CNTRL: variants seen among roughly 807,000 people sequenced by gnomAD.
CNTRL encodes centriolin, also known as 110 kDa centrosomal protein.
CNTRL carries 233 observed loss-of-function variants against 303.7 expected under a neutral mutation model. The observed-to-expected ratio is 0.77, with a 90% CI of 0.69 to 0.86. The LOEUF (loss-of-function observed/expected upper bound fraction) is 0.86, where lower values mean the gene tolerates loss of function less well. Among genes scored for constraint, CNTRL ranks in the 40% least tolerant of loss-of-function variants. The pLI, the probability that CNTRL is intolerant of heterozygous loss-of-function variation, is 0.00. For missense variants in CNTRL, 2,524 were observed against 2,650.6 expected, an observed-to-expected ratio of 0.95 and a Z score of 1.05; for synonymous variants, 900 against 922.2, an observed-to-expected ratio of 0.98 and a Z score of 0.44.
intron 7 of CNTRL, among the ~76,000 whole-genome samples, chr9:121,102,370 A>G (rs902152669): frequency 6.6e-6 from 1 of 152,176 alleles, no homozygotes; most frequent in African/African-American, 2.4e-5. Context: ...TAAAAACTCA[A>G]TAAATTAGGT....
At chr9:121,150,076 A>C in intron 24 of CNTRL, 94 bp from the exon 25 acceptor site, 1 of 964,824 alleles carries the variant, frequency 1.0e-6, no homozygotes, top group Non-Finnish European at 1.5e-6. Flanking sequence ...CTTGGCTTAA[A>C]TGCTGCTGTT....
In CNTRL at chr9:121,145,255, G is replaced by A. The variant is rs1220542262; in HGVS notation, c.3180G>A (p.Glu1060=). 1 of 1,603,734 alleles carries A rather than the reference G, an allele frequency of 6.2e-7. No individual in the cohort carries two copies. The change falls in exon 22 of 44, where the codon GAG becomes GAA. Residue 1060 remains glutamate, a synonymous_variant. Coordinates refer to ENST00000373855, the MANE Select transcript of CNTRL (RefSeq NM_007018.6). Reference sequence around the variant, plus strand: ...ATTTTTTTAAATAGTTTCGACTTGAGATGGAGAAAACAGGTGTAGGTACTG... The same window carrying A: ...ATTTTTTTAAATAGTTTCGACTTGAAATGGAGAAAACAGGTGTAGGTACTG... The part of the protein sequence containing the change: ...LRQKGEQFRL[E]MEKTGVGTGA...
intron 26 of CNTRL, 150 bp downstream of exon 26, chr9:121,152,843 T>C (rs773285132): frequency 2.0e-5 from 13 of 641,052 alleles, no homozygotes; most frequent in Non-Finnish European, 3.3e-5. Flanking sequence ...ACTTGAAATG[T>C]GGCTGATGGA....
intron 21 of CNTRL, 63 bp from the exon 22 acceptor site, chr9:121,145,181 A>G: frequency 1.3e-6 from 2 of 1,520,788 alleles, no homozygotes; most frequent in East Asian, 4.5e-5. Context: ...AGTTGAAAGG[A>G]TAAATGTGTT....
Position 121,115,175 on chromosome 9 carries a change from T to C in CNTRL, c.1430T>C (p.Leu477Pro), listed in dbSNP as rs1209916675. ...AGAGCTACTGAAGAATTTAAACAAC[T>C]GGAAGAAGCTATACAACTAAAAAAG... Reference protein sequence around the residue: ...ILRATEEFKQLEEAIQLKKIS... With the variant: ...ILRATEEFKQPEEAIQLKKIS... The change falls in exon 11 of 44, where the codon CTG becomes CCG. Residue 477 changes from leucine to proline, a missense_variant. Physicochemically the swap from Leu to Pro is moderately conservative, Grantham distance 98. Transcript: ENST00000373855. The C allele has an allele frequency of 1.9e-6, 3 of 1,599,454 alleles. No homozygotes were observed. The highest frequency in any genetic ancestry group is 4.5e-5 in the East Asian group (2 of 44,502).
At chr9:121,142,384 T>A in intron 19 of CNTRL, 114 bp downstream of exon 19, 1 of 891,266 alleles carries the variant, frequency 1.1e-6, no homozygotes, top group Non-Finnish European at 1.6e-6. Context: ...GCTGCATTGC[T>A]GGCACAGTGC....
chr9:121,098,383 C>T lies in CNTRL; in HGVS notation c.622-3C>T, dbSNP rs751968056. On this transcript the variant is annotated splice_polypyrimidine_tract_variant and splice_region_variant and intron_variant, in intron 6 of 43. Coordinates refer to ENST00000373855, the MANE Select transcript of CNTRL (RefSeq NM_007018.6). The stretch of plus-strand genomic sequence containing the variant: ...TACCAATACTAATGTTATATCATTT[C>T]AGCTCCAAGATATAAGCAAGTTGAA... 1.9e-6 allele frequency: 3 copies of T among 1,581,654 alleles called. No homozygotes were observed. Among genetic ancestry groups the T allele is most frequent in the South Asian group, 1.1e-5 (1 of 88,942 alleles).
chr9:121,174,837 A>C (rs2053455041), intron 42 of CNTRL, among the ~76,000 whole-genome samples, 181 bp from the exon 43 acceptor site: 1 of 152,128 alleles, frequency 6.6e-6, no homozygotes, highest in Admixed American at 6.5e-5. Context: ...CAGAAAAGTA[A>C]AGGTTTATGC....
intron 14 of CNTRL, among the ~76,000 whole-genome samples, chr9:121,134,590 C>T (rs531436317): frequency 1.3e-5 from 2 of 152,150 alleles, no homozygotes; most frequent in South Asian, 2.1e-4. Flanking sequence ...CCACTGTACC[C>T]GGCCCTAAGG....
intron 37 of CNTRL, 27 bp from the exon 38 acceptor site, chr9:121,168,069 G>T: frequency 6.3e-7 from 1 of 1,577,148 alleles, no homozygotes; most frequent in South Asian, 1.1e-5. Flanking sequence ...GTTGTTTAAT[G>T]ACTAATCAAG....
intron 2 of CNTRL, 63 bp downstream of exon 2, chr9:121,080,541 AT>A (rs2132028864): frequency 6.6e-6 from 1 of 152,344 alleles, no homozygotes; most frequent in African/African-American, 2.4e-5. Flanking sequence ...ATTAACTTCA[AT>A]CATCATCTTT....
intron 7 of CNTRL, among the ~76,000 whole-genome samples, chr9:121,102,954 A>G (rs917532663): frequency 2.0e-5 from 3 of 152,138 alleles, no homozygotes; most frequent in Admixed American, 6.6e-5. Flanking sequence ...AATCAATATC[A>G]TGAAAATGGC....
intron 7 of CNTRL, among the ~76,000 whole-genome samples, chr9:121,102,197 C>T (rs1324833387): frequency 2.6e-5 from 4 of 152,182 alleles, no homozygotes; most frequent in Admixed American, 2.0e-4. Flanking sequence ...AAAAGCTTAT[C>T]CACCATGATC....
intron 21 of CNTRL, 93 bp from the exon 22 acceptor site, chr9:121,145,151 T>C: frequency 7.0e-7 from 1 of 1,418,582 alleles, no homozygotes; most frequent in South Asian, 1.4e-5. Flanking sequence ...AAAGTGTAAA[T>C]AAATATAGAA....
intron 12 of CNTRL, among the ~76,000 whole-genome samples, chr9:121,119,653 A>T (rs2050143807): frequency 6.7e-6 from 1 of 149,956 alleles, no homozygotes; most frequent in African/African-American, 2.5e-5. Flanking sequence ...GCACCACCAC[A>T]CCCAGCTAAT....
intron 12 of CNTRL, among the ~76,000 whole-genome samples, chr9:121,119,437 A>G (rs2050132231): frequency 1.3e-5 from 2 of 151,730 alleles, no homozygotes; most frequent in Admixed American, 6.6e-5. Flanking sequence ...CTGGGACTAC[A>G]GGCACCCACC....
At chr9:121,155,475 G>A (rs1208974938) in intron 27 of CNTRL, among the ~76,000 whole-genome samples, 3 of 152,060 alleles carry the variant, frequency 2.0e-5, no homozygotes, top group African/African-American at 7.2e-5. Flanking sequence ...TCCGCCTCCC[G>A]GGTTCAAGCG....
rs34465413 is a variant in CNTRL at position 121,145,244 on chromosome 9, T to G, written c.3169T>G (p.Phe1057Val). 461 of 1,601,716 alleles carry G rather than the reference T, an allele frequency of 2.9e-4. 3 individuals are homozygous for G. In the African/African-American group the frequency reaches 5.6e-3, roughly 19 times the overall value. The stretch of plus-strand genomic sequence containing the variant: ...TTGTATGTGTAATTTTTTTAAATAG[T>G]TTCGACTTGAGATGGAGAAAACAGG... ...QNLLRQKGEQ[F>V]RLEMEKTGVG... The change falls in exon 22 of 44, where the codon TTT (phenylalanine) becomes GTT (valine). Residue 1057 changes from phenylalanine (F) to valine (V), a missense_variant and splice_region_variant. Phe to Val is a conservative substitution (Grantham distance 50). Transcript: ENST00000373855.
chr9:121,176,538 G>T (rs1458139780), intron 43 of CNTRL, among the ~76,000 whole-genome samples: 1 of 152,228 alleles, frequency 6.6e-6, no homozygotes. Flanking sequence ...AAGCTTTGGG[G>T]ATGAGACAGC....
Sources: gnomAD v4.1 joint callset for allele counts (sites outside exome capture counted in the v4.1 genomes callset) on GRCh38, gnomAD v4.1.1 for gene constraint, MANE v1.5 for transcripts, NCBI Gene and HGNC (gene_info 2026-07-23, HGNC 2026-07-21) for gene names.